RANBP2: variants seen among roughly 807,000 people sequenced by gnomAD.
The protein encoded by RANBP2 is E3 SUMO-protein ligase RanBP2.
A neutral mutation model predicts 303.6 loss-of-function variants in RANBP2; 57 were observed. The ratio of observed to expected loss-of-function variants is 0.19; its 90% CI spans 0.15 to 0.23. The LOEUF (loss-of-function observed/expected upper bound fraction) is 0.23, where lower values mean the gene tolerates loss of function less well. Among genes scored for constraint, RANBP2 ranks in the 10% least tolerant of loss-of-function variants. RANBP2 has a pLI of 1.00. For missense variants in RANBP2, 3,138 were observed against 3,780.8 expected (o/e 0.83, Z 4.46); for synonymous variants, 1,167 against 1,301.5 (o/e 0.90, Z 2.23).
At chr2:109,059,834 T>C in the RANBP2 span, among the ~76,000 whole-genome samples, 1 of 151,666 alleles carries the variant, frequency 6.6e-6, no homozygotes, top group Non-Finnish European at 1.5e-5. Flanking sequence ...TTTTGGTGGG[T>C]GGGGGGGATG....
chr2:109,080,343 G>T, the RANBP2 span, among the ~76,000 whole-genome samples: 1 of 152,148 alleles, frequency 6.6e-6, no homozygotes, highest in South Asian at 2.1e-4. Context: ...CCCATCAGGA[G>T]CCTGCCATAA....
chr2:108,994,459 C>T, the RANBP2 span, among the ~76,000 whole-genome samples: 7 of 152,278 alleles, frequency 4.6e-5, no homozygotes, highest in South Asian at 6.2e-4. Context: ...ATCTTTTTTA[C>T]GATCTGTAAT....
chr2:109,243,743 C>A, the RANBP2 span, among the ~76,000 whole-genome samples: 4 of 152,298 alleles, frequency 2.6e-5, no homozygotes, highest in East Asian at 1.9e-4. Flanking sequence ...TTTCAGAGAA[C>A]CTCGGGGTGG....
At chr2:109,601,765 TAA>T in the RANBP2 span, among the ~76,000 whole-genome samples, 687 of 143,554 alleles carry the variant, frequency 4.8e-3, 4 homozygotes, top group Middle Eastern at 0.014. Context: ...ACCCTGAAGT[TAA>T]AAAAAAAAAA....
the RANBP2 span, among the ~76,000 whole-genome samples, chr2:109,644,965 C>A: frequency 6.6e-6 from 1 of 152,196 alleles, no homozygotes; most frequent in East Asian, 1.9e-4. Context: ...TTTGCTCCTG[C>A]GAGTTCCCAC....
the RANBP2 span, among the ~76,000 whole-genome samples, chr2:108,963,071 G>A: frequency 6.6e-6 from 1 of 152,154 alleles, no homozygotes; most frequent in South Asian, 2.1e-4. Flanking sequence ...GTCACTCACT[G>A]TCACTTGTAA....
the RANBP2 span, among the ~76,000 whole-genome samples, chr2:109,702,356 A>G: frequency 6.6e-6 from 1 of 152,282 alleles, no homozygotes; most frequent in South Asian, 2.1e-4. Flanking sequence ...CTCTGCCCAT[A>G]CCATTGCTTG....
the RANBP2 span, among the ~76,000 whole-genome samples, chr2:108,843,894 T>TTC: frequency 7.2e-6 from 1 of 138,708 alleles, no homozygotes; most frequent in South Asian, 2.4e-4. Context: ...TTCTTTTTTT[T>TTC]TTTTTTTTTT....
the RANBP2 span, among the ~76,000 whole-genome samples, chr2:109,130,965 C>T: frequency 2.0e-5 from 3 of 151,920 alleles, no homozygotes; most frequent in Non-Finnish European, 4.4e-5. Flanking sequence ...AAAGAAAGGA[C>T]CCGGGTTTTG....
chr2:108,875,125 A>G, the RANBP2 span, among the ~76,000 whole-genome samples: 531 of 152,050 alleles, frequency 3.5e-3, 2 homozygotes, highest in Admixed American at 7.5e-3. Flanking sequence ...ATCCTTTTGT[A>G]TTAGGATAGT....
the RANBP2 span, chr2:109,449,070 G>A: frequency 7.2e-7 from 1 of 1,384,258 alleles, no homozygotes; most frequent in Non-Finnish European, 9.8e-7. Context: ...GGCTGTGAGT[G>A]CTCGAGAAGG....
At chr2:109,008,606 A>T in the RANBP2 span, among the ~76,000 whole-genome samples, 12 of 141,160 alleles carry the variant, frequency 8.5e-5, no homozygotes, top group African/African-American at 3.2e-4. Context: ...AAAAAAAAAA[A>T]AAAATCCATG....
the RANBP2 span, among the ~76,000 whole-genome samples, chr2:109,298,854 C>G: frequency 6.6e-6 from 1 of 152,222 alleles, no homozygotes; most frequent in Non-Finnish European, 1.5e-5. Context: ...AGCATCTATT[C>G]TCAAACAGTG....
the RANBP2 span, among the ~76,000 whole-genome samples, chr2:108,894,153 A>AAGCC: frequency 6.6e-6 from 1 of 152,172 alleles, no homozygotes; most frequent in Admixed American, 6.5e-5. Flanking sequence ...CTGTTGCTTT[A>AAGCC]AGCCATTGAA....
chr2:109,730,558 G>A, the RANBP2 span, among the ~76,000 whole-genome samples: 1 of 152,232 alleles, frequency 6.6e-6, no homozygotes, highest in Admixed American at 6.5e-5. Context: ...ATTCAGTTTG[G>A]GGACTGCCTT....
At chr2:109,320,243 G>A in the RANBP2 span, among the ~76,000 whole-genome samples, 62 of 152,216 alleles carry the variant, frequency 4.1e-4, no homozygotes, top group Non-Finnish European at 5.9e-4. Context: ...GCTGCTTTCC[G>A]GGCAGAGGAG....
At chr2:109,046,560 C>T in the RANBP2 span, among the ~76,000 whole-genome samples, 1 of 151,710 alleles carries the variant, frequency 6.6e-6, no homozygotes, top group Admixed American at 6.6e-5. Context: ...GTGCCCGCCA[C>T]CACACCCGGC....
At chr2:109,117,628 T>C in the RANBP2 span, among the ~76,000 whole-genome samples, 516 of 152,286 alleles carry the variant, frequency 3.4e-3, 1 homozygote, top group Non-Finnish European at 6.2e-3. Context: ...TCGCGCACGG[T>C]GCGCTGCACG....
chr2:108,798,852 C>CACA, the RANBP2 span, among the ~76,000 whole-genome samples: 1,770 of 150,094 alleles, frequency 0.012, 19 homozygotes, highest in Non-Finnish European at 0.019. Context: ...CACACACACA[C>CACA]ATTTTTTCTG....
Sources: allele counts gnomAD v4.1 joint callset (sites outside exome capture counted in the v4.1 genomes callset), GRCh38; gene constraint gnomAD v4.1.1; transcripts MANE v1.5; gene names NCBI Gene and HGNC (gene_info 2026-07-23, HGNC 2026-07-21).